HSPA12A: variants seen among roughly 807,000 people sequenced by gnomAD.
The protein encoded by HSPA12A is heat shock 70 kDa protein 12A.
In HSPA12A, 28 loss-of-function variants were observed where a neutral mutation model predicts 69.2. That is an observed-to-expected ratio of 0.40 (90% CI 0.30 to 0.55). The LOEUF is 0.55. HSPA12A is among the 20% of genes least tolerant of loss of function. HSPA12A has a pLI of 0.38. For synonymous variants in HSPA12A, 345 were observed against 370.5 expected (o/e 0.93, Z 0.79); for missense variants, 686 against 900.7 (o/e 0.76, Z 3.05).
chr10:116,752,372 G>A (rs781949575), intron 2 of HSPA12A, among the ~76,000 whole-genome samples: 2 of 152,224 alleles, frequency 1.3e-5, no homozygotes, highest in African/African-American at 2.4e-5. Context: ...AGTCAGCCAA[G>A]ACACCTGGTC....
chr10:116,707,828 C>G (rs1554882695), intron 1 of HSPA12A, among the ~76,000 whole-genome samples: 1 of 152,092 alleles, frequency 6.6e-6, no homozygotes, highest in Non-Finnish European at 1.5e-5. Flanking sequence ...TGCACCAGCT[C>G]CTCCCTCCCC....
intron 2 of HSPA12A, among the ~76,000 whole-genome samples, chr10:116,815,455 G>A (rs747639117): frequency 2.6e-5 from 4 of 152,050 alleles, no homozygotes; most frequent in Non-Finnish European, 4.4e-5. Flanking sequence ...CGTGCCCGTA[G>A]CCCCAGCTAC....
intron 2 of HSPA12A, among the ~76,000 whole-genome samples, chr10:116,816,557 C>T (rs1188631441): frequency 1.3e-5 from 2 of 152,214 alleles, no homozygotes; most frequent in Non-Finnish European, 2.9e-5. Flanking sequence ...ACGCACCTGA[C>T]TTCCTAACCT....
At chr10:116,788,846 T>C (rs1360761251) in intron 2 of HSPA12A, among the ~76,000 whole-genome samples, 2 of 151,534 alleles carry the variant, frequency 1.3e-5, no homozygotes, top group Non-Finnish European at 2.9e-5. Flanking sequence ...TATATCCATC[T>C]GGTAGAATTC....
Position 116,742,520 on chromosome 10 carries a change from CCGTGCG to C in HSPA12A, c.-57_-52del. On this transcript the variant is annotated 5_prime_UTR_variant, in exon 1 of 12. Coordinates refer to ENST00000369209, the MANE Select transcript of HSPA12A (RefSeq NM_025015.3). ...GGAGCCTCCAGCGCAGCGCCCGTGC[CCGTGCG>C]GGTCTCTGTCCGCGTCCGCGGCGGC... 1 of 1,217,668 alleles carries C rather than the reference CCGTGCG, an allele frequency of 8.2e-7. No individual in the cohort carries two copies. The highest frequency in any genetic ancestry group is 3.6e-5 in the East Asian group (1 of 27,794). The allele number at this position is 1,217,668 out of a possible 1,614,324, so 75.4% of individuals were successfully genotyped here.
rs3034029 is a variant in HSPA12A, at chr10:116,788,082, G to GAGGA, written c.91+46849_91+46852dup. On this transcript the variant is annotated intron_variant, in intron 2 of 12. Coordinates refer to the HSPA12A transcript ENST00000635765. ...AAATTCAGATGCTACGCTAAAAGCA[G>GAGGA]AGGAAGGAAAAATATCTGTGTCACA... Among the ~76,000 whole-genome samples the GAGGA allele has an allele frequency of 3.4e-3, 515 of 152,332 alleles. 4 individuals carry two copies. Among genetic ancestry groups the GAGGA allele is most frequent in the African/African-American group, 0.011 (476 of 41,566 alleles).
chr10:116,754,261 C>A (rs1464272709), intron 2 of HSPA12A, among the ~76,000 whole-genome samples: 1 of 152,162 alleles, frequency 6.6e-6, no homozygotes, highest in African/African-American at 2.4e-5. Context: ...CTTGACCCAT[C>A]CCCCCTCAGC....
chr10:116,804,815 C>T (rs1042926699), intron 2 of HSPA12A, among the ~76,000 whole-genome samples: 2 of 152,160 alleles, frequency 1.3e-5, no homozygotes, highest in Non-Finnish European at 2.9e-5. Flanking sequence ...GATTGTGGGA[C>T]CTGTTTCCTT....
rs146957079 is a variant in HSPA12A, at chr10:116,843,093, T to C, written c.3+6473A>G. 4.7e-3 allele frequency among the ~76,000 whole-genome samples: 717 copies of C among 152,346 alleles called. 3 individuals are homozygous for C. The highest frequency in any genetic ancestry group is 0.016 in the African/African-American group (674 of 41,576). ...TGTCAAAGGCCTTTGAACAAATGAC[T>C]GGAAGGCTGAATCTAAAACAGCCTT... On this transcript the variant is annotated intron_variant, in intron 1 of 12. Transcript: ENST00000635765.
rs1197349532 is a variant in HSPA12A, at chr10:116,684,094, G to A, written c.664-132C>T. On this transcript the variant is annotated intron_variant, in intron 6 of 11. Coordinates refer to ENST00000369209, the MANE Select transcript of HSPA12A (RefSeq NM_025015.3). The stretch of plus-strand genomic sequence containing the variant: ...GCATCTGTGGGACATTCTCTACACA[G>A]TCCTCTGCAGAGCATAATGTCAGGG... The A allele has an allele frequency of 1.4e-5, 10 of 692,608 alleles. No homozygotes were observed. In the East Asian group the frequency reaches 2.6e-4, roughly 18 times the overall value. 42.9% of individuals were successfully genotyped at this position (692,608 alleles called of 1,614,324 possible). A position where few individuals can be genotyped will look rare whatever the true frequency, so the allele number is the denominator to read the frequency against.
At chr10:116,688,229 A>G (rs1200947493) in intron 6 of HSPA12A, among the ~76,000 whole-genome samples, 1 of 152,124 alleles carries the variant, frequency 6.6e-6, no homozygotes, top group African/African-American at 2.4e-5. Context: ...TGCTGAACGA[A>G]TGGACCCACC....
At position 116,678,348 on chromosome 10, in the gene HSPA12A, CA is replaced by C. The variant is rs55780024; in HGVS notation, c.1286+1154del. Among the ~76,000 whole-genome samples the C allele has an allele frequency of 2.4e-3, 141 of 59,368 alleles. 1 individual carries two copies. The South Asian group carries it at 0.042, about 18-fold the overall frequency. The allele number at this position is 59,368 out of a possible 152,430, so 38.9% of individuals were successfully genotyped here. ...ACCTCTAAGTCCATCTGCCAACTTG[CA>C]AAAAAAAAAAAAAAAAAAAAAAAGG... On this transcript the variant is annotated intron_variant, in intron 10 of 11. Transcript: ENST00000369209.
intron 1 of HSPA12A, among the ~76,000 whole-genome samples, chr10:116,728,785 A>C (rs1162459075): frequency 6.6e-6 from 1 of 152,208 alleles, no homozygotes; most frequent in Non-Finnish European, 1.5e-5. Flanking sequence ...TAAAGAAATA[A>C]TGTTTAACCC....
At chr10:116,849,660 G>A in exon 1 of HSPA12A, 1 of 1,550,144 alleles carries the variant, frequency 6.5e-7, no homozygotes, top group South Asian at 1.2e-5. Flanking sequence ...GGAGAACGAC[G>A]TTCCGCGCAG....
In HSPA12A at chr10:116,676,467, A is replaced by G; in HGVS notation, c.1322T>C (p.Leu441Pro). 6.2e-7 allele frequency: 1 copy of G among 1,614,042 alleles called. No homozygotes were observed. The change falls in exon 11 of 12, where the codon CTG becomes CCG. Residue 441 changes from leucine to proline, a missense_variant. Leu to Pro is a moderately conservative substitution (Grantham distance 98). Coordinates refer to ENST00000369209, the MANE Select transcript of HSPA12A (RefSeq NM_025015.3). ...GTTCATGGCATCTGGACTCATCCGC[A>G]GCATCCCCTGCGAGGACCACTTCAC... ...DFVKWSSQGM[L>P]RMSPDAMNAL...
chr10:116,683,632 A>G (rs1236130628), intron 7 of HSPA12A, 159 bp downstream of exon 7: 8 of 570,966 alleles, frequency 1.4e-5, no homozygotes, highest in Non-Finnish European at 1.9e-5. Flanking sequence ...GGGGCCAGGT[A>G]GGGGGGCTGA....
chr10:116,692,308 G>A, intron 6 of HSPA12A, 43 bp downstream of exon 6: 1 of 1,490,572 alleles, frequency 6.7e-7, no homozygotes. Flanking sequence ...GACATCTTGA[G>A]TCCTTCTCCT....
Position 116,675,356 on chromosome 10 carries a change from C to A in HSPA12A, c.1453G>T (p.Ala485Ser). Residue 485 changes from alanine to serine, a missense_variant, in exon 12 of 12, where the codon GCC becomes TCC. Coordinates refer to ENST00000369209, the MANE Select transcript of HSPA12A (RefSeq NM_025015.3). This position sits in a 1 kb window ranked among gnomAD's most constrained non-coding sequence, Gnocchi z 5.2. ...GCCTGCTGCAGCAGGGGCGCCTCGG[C>A]AAAGCCGCCCACCAGAAAGAGGAAC... is the stretch of plus-strand genomic sequence containing the variant. ...VKFLFLVGGF[A>S]EAPLLQQAVQ... is the part of the protein sequence containing the mutation. 1 of 1,611,540 alleles carries A rather than the reference C, an allele frequency of 6.2e-7. No individual in the cohort carries two copies. The highest frequency in any genetic ancestry group is 1.7e-4 in the Middle Eastern group (1 of 6,050).
chr10:116,764,994 T>A (rs1229842410), intron 2 of HSPA12A, among the ~76,000 whole-genome samples: 2 of 152,186 alleles, frequency 1.3e-5, no homozygotes, highest in Non-Finnish European at 2.9e-5. Flanking sequence ...TTCTTTTGTG[T>A]AGTGAAGGAT....
Sources: gnomAD v4.1 joint callset for allele counts (sites outside exome capture counted in the v4.1 genomes callset) on GRCh38, gnomAD v4.1.1 for gene constraint, Gnocchi (gnomAD v3.1) non-coding constraint, MANE v1.5 for transcripts, NCBI Gene and HGNC (gene_info 2026-07-23, HGNC 2026-07-21) for gene names.